The following NRP2 variants were observed in gnomAD, a reference collection of about 807,000 sequenced individuals.
NRP2 encodes the protein neuropilin-2.
Under a neutral mutation model 110.4 loss-of-function variants are expected in NRP2, and 52 were observed. The observed-to-expected ratio is 0.47, with a 90% CI of 0.38 to 0.59. The LOEUF (loss-of-function observed/expected upper bound fraction) is 0.59, where lower values mean the gene tolerates loss of function less well. NRP2 is among the 20% of genes least tolerant of loss of function. NRP2 has a pLI of 0.00. For synonymous variants in NRP2, 508 were observed against 468.9 expected, an observed-to-expected ratio of 1.08 and a Z score of -1.08; for missense variants, 1,049 against 1,203.0, an observed-to-expected ratio of 0.87 and a Z score of 1.89.
intron 1 of NRP2, among the ~76,000 whole-genome samples, chr2:205,684,948 G>C (rs1021868669): frequency 5.9e-5 from 9 of 151,920 alleles, no homozygotes; most frequent in African/African-American, 2.2e-4. Flanking sequence ...CCCAGCGCGC[G>C]AGCGCGCACA....
chr2:205,734,408 C>A (rs539391673), intron 7 of NRP2, among the ~76,000 whole-genome samples: 15 of 149,786 alleles, frequency 1.0e-4, no homozygotes, highest in East Asian at 5.9e-4. Context: ...CGCCCCCCCC[C>A]ACCCCGCATC....
chr2:205,697,511 T>G (rs763569224), intron 1 of NRP2, 33 bp from the exon 2 acceptor site: 27 of 1,592,596 alleles, frequency 1.7e-5, no homozygotes, highest in Non-Finnish European at 2.2e-5. Flanking sequence ...GTAACATATT[T>G]GAAGTTCTTT....
At chr2:205,749,325 A>T (rs2057598382) in intron 10 of NRP2, among the ~76,000 whole-genome samples, 1 of 152,226 alleles carries the variant, frequency 6.6e-6, no homozygotes, top group African/African-American at 2.4e-5. Flanking sequence ...TTCACCATGT[A>T]GGGTCTGAGC....
At position 205,798,017 on chromosome 2, in the gene NRP2, G is replaced by A. The variant is rs1245038980; in HGVS notation, c.*2959G>A. 6.6e-6 allele frequency: 1 copy of A among 152,602 alleles called. No individual in the cohort carries two copies. Among genetic ancestry groups the A allele is most frequent in the African/African-American group, 2.4e-5 (1 of 41,450 alleles). 9.5% of individuals were successfully genotyped at this position (152,602 alleles called of 1,614,324 possible). On this transcript the variant is annotated 3_prime_UTR_variant, in exon 17 of 17. Transcript: ENST00000357785. The stretch of plus-strand genomic sequence containing the variant: ...GCTGAGCCAGATCACGGGAACTTGA[G>A]AGCTTTTACTGTGATTCTTCAATGT...
chr2:205,736,298 T>C (rs1219808358), intron 7 of NRP2, among the ~76,000 whole-genome samples: 5 of 152,138 alleles, frequency 3.3e-5, no homozygotes, highest in Admixed American at 6.5e-5. Flanking sequence ...GCCAAGATTG[T>C]GCCACTGCAC....
chr2:205,791,498 G>T (rs2058301093), intron 15 of NRP2, among the ~76,000 whole-genome samples: 1 of 152,220 alleles, frequency 6.6e-6, no homozygotes, highest in Non-Finnish European at 1.5e-5. Flanking sequence ...TGAATAGAGA[G>T]ACCTGTATTA....
At chr2:205,702,567 T>C (rs1361208663) in intron 2 of NRP2, among the ~76,000 whole-genome samples, 1 of 152,216 alleles carries the variant, frequency 6.6e-6, no homozygotes, top group Admixed American at 6.5e-5. Context: ...AAGGTGCTCT[T>C]GTGTTTATTT....
rs141715769 is a variant in NRP2 at position 205,740,536 on chromosome 2, C to T, written c.1164C>T (p.Asn388=). Residue 388 remains asparagine, a synonymous_variant, in exon 8 of 17, where the codon AAC becomes AAT. Coordinates refer to ENST00000357785, the MANE Select transcript of NRP2 (RefSeq NM_003872.3). ...GKNHKVFQAN[N]DATEVVLNKL... Reference sequence around the variant, plus strand: ...CGCTACAGGTATTTCAAGCCAACAACGATGCAACTGAGGTGGTTCTGAACA... The same window carrying T: ...CGCTACAGGTATTTCAAGCCAACAATGATGCAACTGAGGTGGTTCTGAACA... 2.0e-5 allele frequency: 33 copies of T among 1,614,102 alleles called. No individual in the cohort carries two copies. The highest frequency in any genetic ancestry group is 1.2e-4 in the African/African-American group (9 of 74,932).
Position 205,716,294 on chromosome 2 carries a change from C to G in NRP2, c.353C>G (p.Ser118Cys), listed in dbSNP as rs746365156. The change falls in exon 3 of 17, where the codon TCC (serine) becomes TGC (cysteine). Residue 118 changes from serine (S) to cysteine (C), a missense_variant. Ser to Cys is a moderately radical substitution (Grantham distance 112). Transcript: ENST00000357785. ...CCGCCCACCATCATCTCCTCGGGCT[C>G]CATGCTCTACATCAAGTTCACCTCC... ...IAPPTIISSG[S>C]MLYIKFTSDY... The G allele has an allele frequency of 6.2e-7, 1 of 1,614,186 alleles. No individual in the cohort carries two copies. The highest frequency in any genetic ancestry group is 1.7e-5 in the Admixed American group (1 of 60,024).
chr2:205,794,172 G>A (rs549587958), intron 16 of NRP2, among the ~76,000 whole-genome samples: 203 of 152,216 alleles, frequency 1.3e-3, no homozygotes, highest in African/African-American at 4.5e-3. Context: ...GTGCAGTGGC[G>A]CAATCTCGGC....
At chr2:205,736,255 T>C (rs772945435) in intron 7 of NRP2, among the ~76,000 whole-genome samples, 2 of 152,088 alleles carry the variant, frequency 1.3e-5, no homozygotes, top group African/African-American at 2.4e-5. Flanking sequence ...GGCAGGAGAA[T>C]TGCTTGAAAC....
chr2:205,688,864 A>AAC (rs1553571051), intron 1 of NRP2, among the ~76,000 whole-genome samples: 1 of 151,422 alleles, frequency 6.6e-6, no homozygotes, highest in East Asian at 1.9e-4. Context: ...AACAAAACAA[A>AAC]AAAAACAAAA....
intron 2 of NRP2, among the ~76,000 whole-genome samples, chr2:205,702,142 G>A (rs979844730): frequency 6.6e-6 from 1 of 152,034 alleles, no homozygotes; most frequent in Non-Finnish European, 1.5e-5. Context: ...GACTTTGTCA[G>A]GGGACAGTTT....
intron 2 of NRP2, among the ~76,000 whole-genome samples, chr2:205,703,854 G>A (rs2056614914): frequency 6.6e-6 from 1 of 152,214 alleles, no homozygotes; most frequent in Non-Finnish European, 1.5e-5. Context: ...TGTAAGGGTA[G>A]ACTAAAAGGG....
At position 205,776,622 on chromosome 2, in the gene NRP2, G is replaced by A. The variant is rs924908023; in HGVS notation, c.2425+9819G>A. 5 of 1,594,186 alleles carry A rather than the reference G, an allele frequency of 3.1e-6. No individual in the cohort carries two copies. In the African/African-American group the frequency reaches 6.7e-5, roughly 21 times the overall value. ...TTTTCTCCTCGCCTAGTTTCTGTGT[G>A]AACTCTCAGACATCTCTTTCCCGGA... On this transcript the variant is annotated intron_variant, in intron 15 of 16. Coordinates refer to ENST00000357785, the MANE Select transcript of NRP2 (RefSeq NM_003872.3).
chr2:205,791,621 C>G (rs919993619), intron 15 of NRP2, among the ~76,000 whole-genome samples: 4 of 152,190 alleles, frequency 2.6e-5, no homozygotes, highest in African/African-American at 9.7e-5. Context: ...CATCTTTGAT[C>G]TATTCTAAAC....
intron 13 of NRP2, 105 bp from the exon 14 acceptor site, chr2:205,765,369 T>TAC (rs1020023939): frequency 2.1e-5 from 15 of 710,524 alleles, no homozygotes; most frequent in Admixed American, 1.4e-4. Context: ...CACACACACA[T>TAC]ACACACACAC....
chr2:205,737,036 A>G (rs572718582), intron 7 of NRP2, among the ~76,000 whole-genome samples: 2 of 152,376 alleles, frequency 1.3e-5, no homozygotes, highest in South Asian at 4.1e-4. Context: ...ATTTCATTAA[A>G]AATGGATTTT....
In NRP2 at chr2:205,796,121, AAGG is replaced by A. The variant is rs1402284837; in HGVS notation, c.*1066_*1068del. On this transcript the variant is annotated 3_prime_UTR_variant, in exon 17 of 17. Transcript: ENST00000357785. ...TTGTAACTGGTCACCACTGGACGGGAAGGAGAACAGAGGAGAGGGAAAGAGAAG... is the reference window on the plus strand; with the variant it reads ...TTGTAACTGGTCACCACTGGACGGGAAGAACAGAGGAGAGGGAAAGAGAAG... 6.6e-6 allele frequency: 1 copy of A among 152,174 alleles called. No individual in the cohort carries two copies. Among genetic ancestry groups the A allele is most frequent in the East Asian group, 1.9e-4 (1 of 5,196 alleles). 9.4% of individuals were successfully genotyped at this position (152,174 alleles called of 1,614,324 possible).
Sources: allele counts gnomAD v4.1 joint callset (sites outside exome capture counted in the v4.1 genomes callset), GRCh38; gene constraint gnomAD v4.1.1; transcripts MANE v1.5; gene names NCBI Gene and HGNC (gene_info 2026-07-23, HGNC 2026-07-21).